The following ASCC3 variants were observed in gnomAD, a reference collection of about 807,000 sequenced individuals.
ASCC3 encodes the protein activating signal cointegrator 1 complex subunit 3.
ASCC3 carries 158 observed loss-of-function variants against 256.3 expected under a neutral mutation model. The ratio of observed to expected loss-of-function variants is 0.62; its 90% CI spans 0.54 to 0.70. The LOEUF (loss-of-function observed/expected upper bound fraction) is 0.70. ASCC3 is among the 30% of genes least tolerant of loss of function. The probability of loss-of-function intolerance (pLI) is 0.00; values close to 1 mark genes in which losing one functional copy is unlikely to be tolerated. For synonymous variants in ASCC3, 948 were observed against 883.4 expected, an observed-to-expected ratio of 1.07 and a Z score of -1.30; for missense variants, 2,259 against 2,626.0, an observed-to-expected ratio of 0.86 and a Z score of 3.05.
At chr6:100,769,647 A>C (rs994210673) in intron 8 of ASCC3, among the ~76,000 whole-genome samples, 2 of 151,884 alleles carry the variant, frequency 1.3e-5, no homozygotes, top group Admixed American at 1.3e-4. Flanking sequence ...ATGAAACAAA[A>C]AACAGAAAAG....
intron 25 of ASCC3, 34 bp downstream of exon 25, chr6:100,638,566 TC>T: frequency 1.1e-5 from 17 of 1,516,154 alleles, no homozygotes; most frequent in Non-Finnish European, 1.4e-5. Flanking sequence ...AACTGTCTTT[TC>T]TAATTAAATG....
intron 26 of ASCC3, among the ~76,000 whole-genome samples, chr6:100,629,411 T>G (rs1271194598): frequency 1.3e-5 from 2 of 152,180 alleles, no homozygotes; most frequent in Non-Finnish European, 2.9e-5. Context: ...CACTGACATA[T>G]CTAACTTTTA....
At chr6:100,811,294 G>C (rs1770457636) in intron 4 of ASCC3, among the ~76,000 whole-genome samples, 1 of 151,916 alleles carries the variant, frequency 6.6e-6, no homozygotes, top group Non-Finnish European at 1.5e-5. Context: ...GCTCCGATAA[G>C]ATCAAATATA....
chr6:100,529,563 A>C (rs1774761831), intron 37 of ASCC3, among the ~76,000 whole-genome samples: 1 of 152,202 alleles, frequency 6.6e-6, no homozygotes, highest in African/African-American at 2.4e-5. Flanking sequence ...AGGTGATTTA[A>C]GTATGCATTG....
At chr6:100,636,644 A>G (rs1386259665) in intron 25 of ASCC3, among the ~76,000 whole-genome samples, 1 of 152,192 alleles carries the variant, frequency 6.6e-6, no homozygotes, top group African/African-American at 2.4e-5. Flanking sequence ...TCTTAATACC[A>G]AGGAGTTAGC....
At chr6:100,693,725 T>C (rs1777945814) in intron 13 of ASCC3, among the ~76,000 whole-genome samples, 1 of 152,158 alleles carries the variant, frequency 6.6e-6, no homozygotes, top group African/African-American at 2.4e-5. Flanking sequence ...ATATGTCTAC[T>C]AAGTGTCACC....
chr6:100,739,982 T>G (rs35967345), intron 10 of ASCC3, among the ~76,000 whole-genome samples: 73,360 of 151,838 alleles, frequency 0.48, 17,739 homozygotes, highest in South Asian at 0.68. Flanking sequence ...AGCTTTGGGG[T>G]TTGTTTGCTT....
intron 4 of ASCC3, among the ~76,000 whole-genome samples, chr6:100,838,828 A>C (rs1420929854): frequency 6.6e-6 from 1 of 152,078 alleles, no homozygotes; most frequent in East Asian, 1.9e-4. Context: ...ACAAATTTCA[A>C]CCATTATGTG....
chr6:100,786,060 G>GTA (rs1769061002), intron 8 of ASCC3, among the ~76,000 whole-genome samples: 1 of 152,064 alleles, frequency 6.6e-6, no homozygotes, highest in Non-Finnish European at 1.5e-5. Flanking sequence ...GAATGTTTAG[G>GTA]AAGACTGAAG....
chr6:100,608,218 ATATACTTTATATACTT>A lies in ASCC3; in HGVS notation c.4786-1146_4786-1131del, dbSNP rs1287325581. On this transcript the variant is annotated intron_variant, in intron 30 of 41. Coordinates refer to ENST00000369162, the MANE Select transcript of ASCC3 (RefSeq NM_006828.4). Reference sequence around the variant, plus strand: ...TATACTTTATATATATACTTTATATATATACTTTATATACTTTATACTTTATATATATACTTTATAT... The same window carrying A: ...TATACTTTATATATATACTTTATATATATACTTTATATATATACTTTATAT... 5.6e-3 allele frequency among the ~76,000 whole-genome samples: 147 copies of A among 26,022 alleles called. 3 individuals carry two copies. Among genetic ancestry groups the A allele is most frequent in the African/African-American group, 0.023 (142 of 6,266 alleles). The allele number at this position is 26,022 out of a possible 152,430, so 17.1% of individuals were successfully genotyped here. A position where few individuals can be genotyped will look rare whatever the true frequency, so the allele number is the denominator to read the frequency against.
At chr6:100,595,080 G>C (rs1006654537) in intron 34 of ASCC3, among the ~76,000 whole-genome samples, 1 of 152,000 alleles carries the variant, frequency 6.6e-6, no homozygotes, top group African/African-American at 2.4e-5. Context: ...AGGGGGAATT[G>C]GTCAAAGGGC....
chr6:100,687,993 C>G (rs1473256194), intron 13 of ASCC3, among the ~76,000 whole-genome samples: 4 of 149,308 alleles, frequency 2.7e-5, no homozygotes, highest in African/African-American at 9.9e-5. Context: ...TCATTCATTT[C>G]AAGGCTCAGA....
chr6:100,721,452 C>A (rs1242912154), intron 11 of ASCC3, among the ~76,000 whole-genome samples: 1 of 151,702 alleles, frequency 6.6e-6, no homozygotes, highest in African/African-American at 2.4e-5. Flanking sequence ...GCCCTGAATG[C>A]TTCTTTTATG....
chr6:100,597,047 C>A (rs1366949153), intron 34 of ASCC3, among the ~76,000 whole-genome samples: 1 of 152,154 alleles, frequency 6.6e-6, no homozygotes, highest in African/African-American at 2.4e-5. Context: ...ATGCTGTTTT[C>A]TAGAAAGTGG....
At chr6:100,656,395 A>C (rs1775917344) in intron 16 of ASCC3, among the ~76,000 whole-genome samples, 1 of 151,654 alleles carries the variant, frequency 6.6e-6, no homozygotes, top group African/African-American at 2.4e-5. Context: ...AACAAAGCAG[A>C]TTTTGTTGTG....
intron 11 of ASCC3, among the ~76,000 whole-genome samples, chr6:100,721,737 AATTTC>A (rs1400768943): frequency 6.6e-6 from 1 of 151,676 alleles, no homozygotes; most frequent in Non-Finnish European, 1.5e-5. Flanking sequence ...ATATTTCTAC[AATTTC>A]ATTTCTACTG....
chr6:100,647,575 G>T (rs1001932766), intron 20 of ASCC3, 124 bp from the exon 21 acceptor site: 1 of 804,956 alleles, frequency 1.2e-6, no homozygotes, highest in Non-Finnish European at 2.1e-6. Context: ...GAATTGTGGG[G>T]CAATATCTTT....
intron 29 of ASCC3, among the ~76,000 whole-genome samples, chr6:100,625,946 C>T (rs1774211010): frequency 6.6e-6 from 1 of 151,620 alleles, no homozygotes; most frequent in African/African-American, 2.4e-5. Flanking sequence ...GACAAGATAA[C>T]GTAGAAGAGG....
intron 8 of ASCC3, among the ~76,000 whole-genome samples, chr6:100,797,627 T>A (rs564202742): frequency 8.5e-5 from 13 of 152,180 alleles, no homozygotes; most frequent in Non-Finnish European, 1.6e-4. Context: ...CCTGGCTGTA[T>A]TGTAGAATCA....
Sources: allele counts gnomAD v4.1 joint callset (sites outside exome capture counted in the v4.1 genomes callset), GRCh38; gene constraint gnomAD v4.1.1; transcripts MANE v1.5; gene names NCBI Gene and HGNC (gene_info 2026-07-23, HGNC 2026-07-21).